EXOSC7: variants seen among roughly 807,000 people sequenced by gnomAD.
The protein encoded by EXOSC7 is exosome complex component RRP42.
A neutral mutation model predicts 34.3 loss-of-function variants in EXOSC7; 25 were observed. The ratio of observed to expected loss-of-function variants is 0.73; its 90% confidence interval spans 0.53 to 1.02. The LOEUF is 1.02. Among genes scored for constraint, EXOSC7 ranks in the 50% least tolerant of loss-of-function variants. The probability of loss-of-function intolerance (pLI) is 0.00; values close to 1 mark genes in which losing one functional copy is unlikely to be tolerated. For synonymous variants in EXOSC7, 130 were observed against 143.0 expected, an observed-to-expected ratio of 0.91 and a Z score of 0.65; for missense variants, 370 against 368.5, an observed-to-expected ratio of 1.00 and a Z score of -0.03.
intron 1 of EXOSC7, among the ~76,000 whole-genome samples, chr3:44,982,252 T>C (rs1029127777): frequency 6.6e-6 from 1 of 152,354 alleles, no homozygotes; most frequent in East Asian, 1.9e-4. Flanking sequence ...GGTCTGGTAG[T>C]ATTTCACGCC....
chr3:45,001,633 G>T, intron 5 of EXOSC7, 25 bp downstream of exon 5: 1 of 1,551,118 alleles, frequency 6.4e-7, no homozygotes, highest in African/African-American at 1.4e-5. Context: ...AAACAGCTCT[G>T]CGAACCTGTG....
At chr3:45,011,063 G>T (rs1265366698) in intron 7 of EXOSC7, among the ~76,000 whole-genome samples, 172 bp from the exon 8 acceptor site, 2 of 152,164 alleles carry the variant, frequency 1.3e-5, no homozygotes, top group Admixed American at 1.3e-4. Context: ...TTATTATGTT[G>T]TTGGGGTCTG....
rs1706028180 is a variant in EXOSC7, at chr3:44,976,432, G to A, written c.57+98G>A. The A allele has an allele frequency of 2.8e-6, 3 of 1,056,324 alleles. No homozygotes were observed. In the South Asian group the frequency reaches 4.8e-5, roughly 17 times the overall value. 65.4% of individuals were successfully genotyped at this position (1,056,324 alleles called of 1,614,324 possible). A position where few individuals can be genotyped will look rare whatever the true frequency, so the allele number is the denominator to read the frequency against. ...TTGCCAGTGAGGAGGCAGCCGAGCT[G>A]CGGCGACTCTCCGTTTACCTTGTGA... On this transcript the variant is annotated intron_variant, in intron 1 of 7. Transcript: ENST00000265564.
At chr3:45,003,939 A>G (rs1706956577) in intron 5 of EXOSC7, among the ~76,000 whole-genome samples, 1 of 152,042 alleles carries the variant, frequency 6.6e-6, no homozygotes, top group South Asian at 2.1e-4. Flanking sequence ...ATGGTGTTCC[A>G]TTGTGTGACT....
At chr3:45,011,649 T>G (rs151334870), downstream of EXOSC7, among the ~76,000 whole-genome samples, 1 of 152,296 alleles carries the variant, frequency 6.6e-6, no homozygotes, top group East Asian at 1.9e-4. Context: ...GCTTATGATA[T>G]GTATTTTGTG....
chr3:45,008,867 A>T (rs903029377), intron 7 of EXOSC7, among the ~76,000 whole-genome samples: 1 of 152,264 alleles, frequency 6.6e-6, no homozygotes, highest in Admixed American at 6.5e-5. Flanking sequence ...CAAGCACAGT[A>T]AACAAATAGC....
intron 4 of EXOSC7, among the ~76,000 whole-genome samples, chr3:44,998,043 T>G (rs1408887548): frequency 1.3e-5 from 2 of 150,832 alleles, no homozygotes; most frequent in Non-Finnish European, 3.0e-5. Context: ...TTTTTTGTTT[T>G]TTTTTTTTTT....
intron 1 of EXOSC7, among the ~76,000 whole-genome samples, chr3:44,983,953 TG>T (rs1706340998): frequency 6.6e-6 from 1 of 152,138 alleles, no homozygotes; most frequent in Admixed American, 6.5e-5. Context: ...TTTTTTTATA[TG>T]GAAAAAAATT....
At chr3:45,005,751 T>C (rs534693406) in intron 6 of EXOSC7, among the ~76,000 whole-genome samples, 2 of 152,212 alleles carry the variant, frequency 1.3e-5, no homozygotes, top group South Asian at 2.1e-4. Flanking sequence ...TCTAGGGTGG[T>C]TGAGTAGTGG....
chr3:44,988,745 T>C (rs1706488391), intron 1 of EXOSC7, among the ~76,000 whole-genome samples: 1 of 152,224 alleles, frequency 6.6e-6, no homozygotes, highest in African/African-American at 2.4e-5. Context: ...ACTCTGTAGC[T>C]CTGACAACAT....
Position 45,001,582 on chromosome 3 carries a change from T to C in EXOSC7, c.465T>C (p.Ala155=). ...GGNLFDAISI[A]VKAALFNTRI... is the part of the protein sequence containing the mutation. ...ATTTGTTTGATGCCATTTCCATTGCTGTAAAGGCTGCTCTCTTCAATACAA... is the reference window on the plus strand; with the variant it reads ...ATTTGTTTGATGCCATTTCCATTGCCGTAAAGGCTGCTCTCTTCAATACAA... The change falls in exon 5 of 8, where the codon GCT becomes GCC. Residue 155 remains alanine, a synonymous_variant. Transcript: ENST00000265564. 1 of 1,613,482 alleles carries C rather than the reference T, an allele frequency of 6.2e-7. No individual in the cohort carries two copies. The highest frequency in any genetic ancestry group is 8.5e-7 in the Non-Finnish European group (1 of 1,179,402).
intron 5 of EXOSC7, among the ~76,000 whole-genome samples, chr3:45,003,072 C>T (rs1008035177): frequency 2.6e-5 from 4 of 152,142 alleles, no homozygotes; most frequent in Non-Finnish European, 5.9e-5. Flanking sequence ...AAACTGTATA[C>T]CAGAAAGGTT....
Position 45,001,601 on chromosome 3 carries a change from A to C in EXOSC7, c.484A>C (p.Asn162His). Residue 162 changes from asparagine (N) to histidine (H), a missense_variant, in exon 5 of 8, where the codon AAT (asparagine) becomes CAT (histidine). Asn to His is a moderately conservative substitution (Grantham distance 68). Coordinates refer to ENST00000265564, the MANE Select transcript of EXOSC7 (RefSeq NM_015004.4). ...CATTGCTGTAAAGGCTGCTCTCTTC[A>C]ATACAAGGTAAGTCTTCCTAGAAAC... ...ISIAVKAALF[N>H]TRIPRVRVLE... 1 of 1,611,236 alleles carries C rather than the reference A, an allele frequency of 6.2e-7. No homozygotes were observed. The highest frequency in any genetic ancestry group is 8.5e-7 in the Non-Finnish European group (1 of 1,177,358).
At chr3:44,996,403 G>T (rs1381888920) in intron 3 of EXOSC7, among the ~76,000 whole-genome samples, 1 of 151,862 alleles carries the variant, frequency 6.6e-6, no homozygotes, top group African/African-American at 2.4e-5. Flanking sequence ...ATATCAAGAA[G>T]CCAAAAAGGG....
intron 7 of EXOSC7, among the ~76,000 whole-genome samples, chr3:45,010,811 A>G (rs1707185810): frequency 6.6e-6 from 1 of 152,182 alleles, no homozygotes; most frequent in East Asian, 1.9e-4. Flanking sequence ...TGTCCTTGGC[A>G]TCATCTGTTT....
intron 1 of EXOSC7, among the ~76,000 whole-genome samples, chr3:44,984,349 G>A (rs911138598): frequency 1.1e-4 from 17 of 152,206 alleles, no homozygotes; most frequent in Non-Finnish European, 2.4e-4. Flanking sequence ...GTTGACATGT[G>A]CCTGTAGTCC....
intron 3 of EXOSC7, among the ~76,000 whole-genome samples, chr3:44,992,623 C>A (rs928522228): frequency 6.6e-6 from 1 of 152,164 alleles, no homozygotes; most frequent in Non-Finnish European, 1.5e-5. Flanking sequence ...CAAAATCTGA[C>A]CTTTTCATGT....
At chr3:45,007,820 C>G (rs1707097022) in intron 7 of EXOSC7, among the ~76,000 whole-genome samples, 1 of 152,110 alleles carries the variant, frequency 6.6e-6, no homozygotes, top group Non-Finnish European at 1.5e-5. Flanking sequence ...GTAAGTACCC[C>G]CCATCTCATT....
At chr3:45,005,566 T>A in intron 6 of EXOSC7, 152 bp downstream of exon 6, 1 of 642,542 alleles carries the variant, frequency 1.6e-6, no homozygotes, top group Non-Finnish European at 2.6e-6. Flanking sequence ...TTGGTTATAC[T>A]AGAAACCACT....
Sources: gnomAD v4.1 joint callset for allele counts (sites outside exome capture counted in the v4.1 genomes callset) on GRCh38, gnomAD v4.1.1 for gene constraint, MANE v1.5 for transcripts, NCBI Gene and HGNC (gene_info 2026-07-23, HGNC 2026-07-21) for gene names.